TENM3: variants seen among roughly 807,000 people sequenced by gnomAD.
TENM3 encodes teneurin-3.
TENM3 carries 63 observed loss-of-function variants against 255.1 expected under a neutral mutation model. The ratio of observed to expected loss-of-function variants is 0.25; its 90% CI spans 0.20 to 0.30. The LOEUF is 0.30. TENM3 is among the 10% of genes least tolerant of loss of function. The probability of loss-of-function intolerance (pLI) is 1.00; values close to 1 mark genes in which losing one functional copy is unlikely to be tolerated. For missense variants in TENM3, 2,929 were observed against 3,461.1 expected (o/e 0.85, Z 3.86); for synonymous variants, 1,306 against 1,322.3 (o/e 0.99, Z 0.27).
intron 12 of TENM3, among the ~76,000 whole-genome samples, chr4:182,699,181 A>T (rs1269110373): frequency 1.3e-5 from 2 of 152,202 alleles, no homozygotes; most frequent in African/African-American, 4.8e-5. Context: ...TGCTAAATTA[A>T]GCTTTCTCCT....
intron 19 of TENM3, among the ~76,000 whole-genome samples, chr4:182,745,293 T>C (rs1427065565): frequency 2.6e-5 from 4 of 152,190 alleles, no homozygotes; most frequent in Non-Finnish European, 4.4e-5. Context: ...AGTCACATGC[T>C]AAAATCAACA....
the TENM3 span, among the ~76,000 whole-genome samples, chr4:181,910,609 TAA>T: frequency 3.6e-5 from 5 of 137,000 alleles, no homozygotes; most frequent in African/African-American, 8.0e-5. Context: ...TATATATATA[TAA>T]ATACACGTGT....
intron 4 of TENM3, among the ~76,000 whole-genome samples, chr4:182,621,723 TATATAAA>T (rs1429888681): frequency 1.5e-4 from 2 of 13,670 alleles, no homozygotes; most frequent in Non-Finnish European, 2.2e-4. Context: ...ATATATATTA[TATATAAA>T]ATATATAATA....
At chr4:181,463,021 CAT>C in the TENM3 span, among the ~76,000 whole-genome samples, 1 of 152,198 alleles carries the variant, frequency 6.6e-6, no homozygotes, top group African/African-American at 2.4e-5. Context: ...AGTAAGCACA[CAT>C]AGCTCATCTT....
chr4:181,542,241 G>GA, the TENM3 span, among the ~76,000 whole-genome samples: 1 of 152,182 alleles, frequency 6.6e-6, no homozygotes, highest in African/African-American at 2.4e-5. Flanking sequence ...TAGGTACAGG[G>GA]AAAAACGTGA....
At chr4:182,683,572 A>G (rs1198813997) in intron 11 of TENM3, among the ~76,000 whole-genome samples, 1 of 152,244 alleles carries the variant, frequency 6.6e-6, no homozygotes, top group African/African-American at 2.4e-5. Flanking sequence ...GAGAAATATC[A>G]TTATATTCAA....
intron 3 of TENM3, among the ~76,000 whole-genome samples, chr4:182,590,538 CAA>C (rs34681777): frequency 0.01 from 813 of 79,970 alleles, 3 homozygotes; most frequent in African/African-American, 0.037. Flanking sequence ...GACCCTGTCT[CAA>C]AAAAAAAAAA....
the TENM3 span, among the ~76,000 whole-genome samples, chr4:182,029,107 G>C: frequency 1.3e-5 from 2 of 152,216 alleles, no homozygotes; most frequent in East Asian, 3.9e-4. Flanking sequence ...TCTGGCATCA[G>C]CTTCTGCAGA....
chr4:182,147,473 C>G (rs1264135610), intron 1 of TENM3, among the ~76,000 whole-genome samples: 1 of 151,750 alleles, frequency 6.6e-6, no homozygotes, highest in Non-Finnish European at 1.5e-5. Context: ...TTTATTTTAC[C>G]CTGTAAAAAT....
At chr4:182,270,306 A>G (rs751093233) in intron 1 of TENM3, among the ~76,000 whole-genome samples, 13 of 152,174 alleles carry the variant, frequency 8.5e-5, no homozygotes, top group Non-Finnish European at 8.8e-5. Flanking sequence ...TTACAGGTTC[A>G]TTTAAGAATA....
intron 1 of TENM3, among the ~76,000 whole-genome samples, chr4:182,156,750 A>G (rs1334806754): frequency 6.6e-6 from 1 of 152,180 alleles, no homozygotes; most frequent in Non-Finnish European, 1.5e-5. Context: ...TTGAATGTAT[A>G]TCTTCATTTA....
At chr4:181,552,178 A>C in the TENM3 span, among the ~76,000 whole-genome samples, 36 of 152,262 alleles carry the variant, frequency 2.4e-4, no homozygotes, top group Non-Finnish European at 4.7e-4. Flanking sequence ...AAATAAGATA[A>C]GGGAAGTTTT....
chr4:182,081,781 C>G, the TENM3 span: 3 of 151,946 alleles, frequency 2.0e-5, no homozygotes, highest in Non-Finnish European at 4.4e-5. Context: ...GACTTGGCTC[C>G]CCGTAGATTC....
At chr4:181,958,451 G>A in the TENM3 span, among the ~76,000 whole-genome samples, 3 of 152,156 alleles carry the variant, frequency 2.0e-5, no homozygotes, top group African/African-American at 7.2e-5. Flanking sequence ...ATTAGGATTA[G>A]AGTAACTGTG....
At chr4:182,621,104 T>C (rs1439555200) in intron 4 of TENM3, among the ~76,000 whole-genome samples, 7 of 151,526 alleles carry the variant, frequency 4.6e-5, no homozygotes, top group Admixed American at 2.0e-4. Context: ...TGGCGTGAAC[T>C]CAGGAGGCAG....
chr4:182,445,610 TA>T (rs1772851087), intron 3 of TENM3, among the ~76,000 whole-genome samples: 1 of 149,292 alleles, frequency 6.7e-6, no homozygotes, highest in Admixed American at 7.0e-5. Context: ...GTGGACTTTT[TA>T]TTTTTTTTTT....
intron 1 of TENM3, among the ~76,000 whole-genome samples, chr4:182,176,306 A>G (rs1379904518): frequency 6.7e-6 from 1 of 148,544 alleles, no homozygotes; most frequent in East Asian, 1.9e-4. Context: ...TTACAGCTTC[A>G]CCACCGTGTG....
In TENM3 at chr4:182,800,001, A is replaced by G; in HGVS notation, c.7750A>G (p.Thr2584Ala). 1.3e-6 allele frequency: 2 copies of G among 1,592,902 alleles called. No homozygotes were observed. Among genetic ancestry groups the G allele is most frequent in the Non-Finnish European group, 1.7e-6 (2 of 1,170,598 alleles). The change falls in exon 28 of 28, where the codon ACG becomes GCG. Residue 2584 changes from threonine to alanine, a missense_variant. By Grantham distance (58) the Thr-to-Ala change is moderately conservative. This residue lies in a region of TENM3 where 476 missense variants were observed against 480.1 expected (regional missense o/e 0.99). Coordinates refer to ENST00000511685, the MANE Select transcript of TENM3 (RefSeq NM_001080477.4). ...GINVTVSQST[T>A]VVNGRTRRFA... ...CAACGTGACGGTGTCGCAGTCCACC[A>G]CGGTGGTGAACGGCAGGACGCGCAG...
At chr4:181,689,019 A>G in the TENM3 span, among the ~76,000 whole-genome samples, 1 of 152,182 alleles carries the variant, frequency 6.6e-6, no homozygotes, top group Non-Finnish European at 1.5e-5. Context: ...TCTACTGGAC[A>G]TACATACACT....
Sources: allele counts gnomAD v4.1 joint callset (sites outside exome capture counted in the v4.1 genomes callset), GRCh38; gene constraint gnomAD v4.1.1; regional missense constraint gnomAD v4.1.1; transcripts MANE v1.5; gene names NCBI Gene and HGNC (gene_info 2026-07-23, HGNC 2026-07-21).